The following SQSTM1 variants were observed in gnomAD, a reference collection of about 807,000 sequenced individuals.
The protein encoded by SQSTM1 is sequestosome 1, also known as sequestosome-1.
In SQSTM1, 36 loss-of-function variants were observed where a neutral mutation model predicts 45.1. That is an observed-to-expected ratio of 0.80 (90% CI 0.61 to 1.05). The LOEUF (loss-of-function observed/expected upper bound fraction) is 1.05, where lower values mean the gene tolerates loss of function less well. Among genes scored for constraint, SQSTM1 ranks in the 50% least tolerant of loss-of-function variants. The pLI, the probability that SQSTM1 is intolerant of heterozygous loss-of-function variation, is 0.00. For synonymous variants in SQSTM1, 290 were observed against 244.3 expected (o/e 1.19, Z -1.74); for missense variants, 617 against 607.1 (o/e 1.02, Z -0.17).
chr5:179,809,169 T>TC (rs1444339935), intron 1 of SQSTM1, among the ~76,000 whole-genome samples: 2 of 144,788 alleles, frequency 1.4e-5, no homozygotes, highest in Admixed American at 6.9e-5. Flanking sequence ...TTTTTTTTTT[T>TC]TTTTTTTAAG....
chr5:179,824,036 C>A lies in SQSTM1; in HGVS notation c.480C>A (p.His160Gln). The A allele has an allele frequency of 1.9e-6, 3 of 1,614,006 alleles. No homozygotes were observed. Among genetic ancestry groups the A allele is most frequent in the Non-Finnish European group, 2.5e-6 (3 of 1,180,040 alleles). The change falls in exon 3 of 8, where the codon CAC (histidine) becomes CAA (glutamine). Residue 160 changes from histidine to glutamine, a missense_variant. Coordinates refer to ENST00000389805, the MANE Select transcript of SQSTM1 (RefSeq NM_003900.5). ...LCSVCEGKGL[H>Q]RGHTKLAFPS... ...GCGTCTGCGAGGGAAAGGGCTTGCA[C>A]CGGGGGCACACCAAGCTCGCATTCC...
In SQSTM1 at chr5:179,824,772, T is replaced by G. The variant is rs575448767; in HGVS notation, c.674-374T>G. 3.3e-4 allele frequency among the ~76,000 whole-genome samples: 51 copies of G among 152,366 alleles called. No homozygotes were observed. The South Asian group carries it at 9.7e-3, about 29-fold the overall frequency. ...TTTTGGATTCTGATTTTATTAATGT[T>G]ACTGTGTCCTGTGAATCACCTCACC... is the stretch of plus-strand genomic sequence containing the variant. On this transcript the variant is annotated intron_variant, in intron 4 of 7. Transcript: ENST00000389805.
At chr5:179,828,533 C>G (rs1302168740) in intron 5 of SQSTM1, among the ~76,000 whole-genome samples, 3 of 152,002 alleles carry the variant, frequency 2.0e-5, no homozygotes, top group Non-Finnish European at 4.4e-5. Context: ...CACCATCACG[C>G]CTGGCTAATT....
chr5:179,836,412 A>AT (rs763497372), intron 7 of SQSTM1, 24 bp from the exon 8 acceptor site: 2 of 1,614,142 alleles, frequency 1.2e-6, no homozygotes, highest in Non-Finnish European at 1.7e-6. Flanking sequence ...ACCACTCCTC[A>AT]TGGCTTCCTT....
chr5:179,816,680 T>C (rs557622997), upstream of SQSTM1, among the ~76,000 whole-genome samples: 9 of 152,000 alleles, frequency 5.9e-5, no homozygotes, highest in East Asian at 1.6e-3. Context: ...TTTCCCACAG[T>C]CCCCCCAGGC....
At position 179,823,061 on chromosome 5, in the gene SQSTM1, G is replaced by T. The variant is rs1484480245; in HGVS notation, c.301+8G>T. Reference sequence around the variant, plus strand: ...TCCGAATCTACATTAAAGGTAAGGGGCTGCTCTGGGGGCTGCCTGAAGCCA... The same window carrying T: ...TCCGAATCTACATTAAAGGTAAGGGTCTGCTCTGGGGGCTGCCTGAAGCCA... On this transcript the variant is annotated splice_region_variant and intron_variant, in intron 2 of 7. Coordinates refer to ENST00000389805, the MANE Select transcript of SQSTM1 (RefSeq NM_003900.5). The T allele has an allele frequency of 1.2e-6, 2 of 1,613,148 alleles. No homozygotes were observed.
intron 6 of SQSTM1, 82 bp from the exon 7 acceptor site, chr5:179,833,505 C>T: frequency 2.0e-6 from 3 of 1,484,414 alleles, no homozygotes; most frequent in Admixed American, 1.7e-5. Flanking sequence ...TGCTCCCCGA[C>T]TGTCTGCCAG....
chr5:179,826,735 G>C (rs963393820), intron 5 of SQSTM1, among the ~76,000 whole-genome samples: 3 of 151,472 alleles, frequency 2.0e-5, no homozygotes, highest in Admixed American at 6.6e-5. Flanking sequence ...CAAGTAGCTG[G>C]GATTATAGGT....
At chr5:179,811,794 G>T (rs6877064) in intron 2 of SQSTM1, 10 of 152,172 alleles carry the variant, frequency 6.6e-5, no homozygotes, top group Admixed American at 4.6e-4. Flanking sequence ...CTTGGTCTCC[G>T]TGGCCTTTTC....
intron 1 of SQSTM1, chr5:179,822,710 C>G: frequency 3.7e-6 from 2 of 536,954 alleles, no homozygotes; most frequent in Non-Finnish European, 6.8e-6. Flanking sequence ...GCTGCTGCCC[C>G]TGTGCACAGG....
intron 7 of SQSTM1, among the ~76,000 whole-genome samples, chr5:179,834,190 G>A (rs1476214819): frequency 7.6e-6 from 1 of 130,732 alleles, no homozygotes; most frequent in Non-Finnish European, 1.6e-5. Context: ...CCCTGTAGGA[G>A]CCAGGCAGAA....
At chr5:179,823,590 G>A (rs1757873119) in intron 2 of SQSTM1, 8 of 545,032 alleles carry the variant, frequency 1.5e-5, no homozygotes, top group East Asian at 6.3e-5. Context: ...GTGCCGTGGC[G>A]CTTGGGTGAA....
At chr5:179,808,750 C>G (rs1041705267) in intron 1 of SQSTM1, among the ~76,000 whole-genome samples, 2 of 152,102 alleles carry the variant, frequency 1.3e-5, no homozygotes, top group African/African-American at 4.8e-5. Flanking sequence ...CTCATCAGTT[C>G]AAGACCAGCC....
intron 1 of SQSTM1, chr5:179,822,571 C>T (rs1757820734): frequency 5.9e-6 from 2 of 339,810 alleles, no homozygotes; most frequent in Admixed American, 4.0e-5. Flanking sequence ...GGCTGGGCCC[C>T]TCAGGAGCAG....
chr5:179,825,205 G>A lies in SQSTM1; in HGVS notation c.733G>A (p.Ala245Thr). Reference sequence around the variant, plus strand: ...CCTGAAGAACGTTGGGGAGAGTGTGGCAGCTGCCCTTAGCCCTCTGGGTGA... The same window carrying A: ...CCTGAAGAACGTTGGGGAGAGTGTGACAGCTGCCCTTAGCCCTCTGGGTGA... ...NFLKNVGESV[A>T]AALSPLGIEV... Residue 245 changes from alanine (A) to threonine (T), a missense_variant, in exon 5 of 8, where the codon GCA becomes ACA. By Grantham distance (58) the Ala-to-Thr change is moderately conservative. Coordinates refer to ENST00000389805, the MANE Select transcript of SQSTM1 (RefSeq NM_003900.5). 6.2e-7 allele frequency: 1 copy of A among 1,614,006 alleles called. No homozygotes were observed. Among genetic ancestry groups the A allele is most frequent in the Non-Finnish European group, 8.5e-7 (1 of 1,180,018 alleles).
chr5:179,833,909 G>A, intron 7 of SQSTM1, 127 bp downstream of exon 7: 5 of 1,074,704 alleles, frequency 4.7e-6, no homozygotes, highest in Non-Finnish European at 5.6e-6. Flanking sequence ...CTGTAGGTGT[G>A]GGAGGTTAGG....
intron 2 of SQSTM1, chr5:179,811,911 T>C (rs1411621527): frequency 6.6e-6 from 1 of 152,072 alleles, no homozygotes; most frequent in Non-Finnish European, 1.5e-5. Context: ...TTCACACCAT[T>C]CTCCTGCCTC....
rs569052431 is a variant in SQSTM1, at chr5:179,833,745, G to C, written c.1128G>C (p.Gly376=). The change falls in exon 7 of 8, where the codon GGG becomes GGC. Residue 376 remains glycine (G), a synonymous_variant. Transcript: ENST00000389805. ...ACCCCTCCCAGGAGGGACCCACAGG[G>C]CTGAAGGAAGCTGCCTTGTACCCAC... The part of the protein sequence containing the change: ...SLDPSQEGPT[G]LKEAALYPHL... 6.2e-7 allele frequency: 1 copy of C among 1,614,014 alleles called. No homozygotes were observed. The highest frequency in any genetic ancestry group is 8.5e-7 in the Non-Finnish European group (1 of 1,180,036).
chr5:179,834,285 T>G (rs1758400844), intron 7 of SQSTM1, among the ~76,000 whole-genome samples: 1 of 147,700 alleles, frequency 6.8e-6, no homozygotes, highest in Admixed American at 6.7e-5. Context: ...CATTGTCACA[T>G]GGCAGCCGTG....
Sources: allele counts gnomAD v4.1 joint callset (sites outside exome capture counted in the v4.1 genomes callset), GRCh38; gene constraint gnomAD v4.1.1; transcripts MANE v1.5; gene names NCBI Gene and HGNC (gene_info 2026-07-23, HGNC 2026-07-21).